CPOX: variants seen among roughly 807,000 people sequenced by gnomAD.
CPOX encodes coproporphyrinogen oxidase.
CPOX carries 24 observed loss-of-function variants against 48.9 expected under a neutral mutation model. That is an observed-to-expected ratio of 0.49 (90% confidence interval 0.36 to 0.69). The LOEUF (loss-of-function observed/expected upper bound fraction) is 0.69. Among genes scored for constraint, CPOX ranks in the 30% least tolerant of loss-of-function variants. The probability of loss-of-function intolerance (pLI) is 0.00; values close to 1 mark genes in which losing one functional copy is unlikely to be tolerated. For synonymous variants in CPOX, 249 were observed against 234.6 expected, an observed-to-expected ratio of 1.06 and a Z score of -0.56; for missense variants, 549 against 597.3, an observed-to-expected ratio of 0.92 and a Z score of 0.84.
Position 98,584,885 on chromosome 3 carries a change from T to A in CPOX, c.1172+556A>T, listed in dbSNP as rs935003363. On this transcript the variant is annotated intron_variant, in intron 5 of 6. Transcript: ENST00000647941. ...ACAGACTATAAGTTTTGAGGTCATT[T>A]TGACCCAGTTCCACATCTGAGATCT... 2.0e-5 allele frequency among the ~76,000 whole-genome samples: 3 copies of A among 152,236 alleles called. 1 individual carries two copies. In the East Asian group the frequency reaches 5.8e-4, roughly 29 times the overall value.
intron 4 of CPOX, among the ~76,000 whole-genome samples, chr3:98,587,067 A>G (rs192968093): frequency 1.4e-4 from 21 of 152,338 alleles, no homozygotes; most frequent in African/African-American, 4.3e-4. Context: ...GGGTCCTTAA[A>G]TAGAAAAACA....
downstream of CPOX, among the ~76,000 whole-genome samples, chr3:98,574,645 G>A (rs113471840): frequency 0.019 from 2,920 of 152,258 alleles, 76 homozygotes; most frequent in African/African-American, 0.061. Flanking sequence ...GCAGTGGCAC[G>A]ATCTTGGCTC....
At position 98,580,323 on chromosome 3, in the gene CPOX, T is replaced by A; in HGVS notation, c.*360A>T. ...CCACGACAGATTTTTGTGGCACAAATGAAAACTTTAAAAAATACATGAAAC... is the reference window on the plus strand; with the variant it reads ...CCACGACAGATTTTTGTGGCACAAAAGAAAACTTTAAAAAATACATGAAAC... On this transcript the variant is annotated 3_prime_UTR_variant, in exon 7 of 7. Coordinates refer to ENST00000647941, the MANE Select transcript of CPOX (RefSeq NM_000097.7). 1 of 1,010,300 alleles carries A rather than the reference T, an allele frequency of 9.9e-7. No homozygotes were observed. Among genetic ancestry groups the A allele is most frequent in the Non-Finnish European group, 1.2e-6 (1 of 844,732 alleles). 62.6% of individuals were successfully genotyped at this position (1,010,300 alleles called of 1,614,324 possible).
At chr3:98,591,398 A>T (rs1707476432) in intron 1 of CPOX, among the ~76,000 whole-genome samples, 1 of 152,240 alleles carries the variant, frequency 6.6e-6, no homozygotes, top group Non-Finnish European at 1.5e-5. Context: ...TCCTGCCATC[A>T]TCTAAAATAA....
chr3:98,591,857 G>A (rs1707484029), intron 1 of CPOX, among the ~76,000 whole-genome samples: 1 of 151,798 alleles, frequency 6.6e-6, no homozygotes. Context: ...GGACCAGAGG[G>A]GCAAAACATC....
chr3:98,592,547 C>T (rs187451863), intron 1 of CPOX, among the ~76,000 whole-genome samples: 124 of 152,114 alleles, frequency 8.2e-4, no homozygotes, highest in African/African-American at 2.2e-3. Flanking sequence ...TGAGTTCTTT[C>T]CATCTCCTAA....
intron 5 of CPOX, among the ~76,000 whole-genome samples, chr3:98,583,605 G>T (rs75580450): frequency 1.3e-5 from 2 of 152,082 alleles, no homozygotes; most frequent in African/African-American, 4.8e-5. Context: ...CTATGAAAAG[G>T]ATAACTGTAA....
rs568556451 is a variant in CPOX, at chr3:98,585,935, C to G, written c.954-276G>C. On this transcript the variant is annotated intron_variant, in intron 4 of 6. Coordinates refer to ENST00000647941, the MANE Select transcript of CPOX (RefSeq NM_000097.7). ...TCCCCCACGCTGGAGTGCAGTGGTGCGATCTTGAATCACTGCAAGCTCCGC... is the reference window on the plus strand; with the variant it reads ...TCCCCCACGCTGGAGTGCAGTGGTGGGATCTTGAATCACTGCAAGCTCCGC... 3.1e-3 allele frequency: 1,171 copies of G among 376,310 alleles called. 16 individuals are homozygous for G. The highest frequency in any genetic ancestry group is 0.023 in the African/African-American group (1,075 of 47,320). The allele number at this position is 376,310 out of a possible 1,614,324, so 23.3% of individuals were successfully genotyped here.
At chr3:98,585,411 C>T in intron 5 of CPOX, 30 bp downstream of exon 5, 1 of 1,580,344 alleles carries the variant, frequency 6.3e-7, no homozygotes, top group Non-Finnish European at 8.7e-7. Flanking sequence ...CCCACTTAGC[C>T]ATGAAAGAAT....
chr3:98,571,126 T>G, the CPOX span, among the ~76,000 whole-genome samples: 1 of 152,338 alleles, frequency 6.6e-6, no homozygotes, highest in South Asian at 2.1e-4. Context: ...AAACTTGGGT[T>G]GCTTCTAGAT....
At chr3:98,590,810 T>C (rs1707464650) in intron 2 of CPOX, 68 bp from the exon 3 acceptor site, 3 of 1,248,310 alleles carry the variant, frequency 2.4e-6, no homozygotes, top group South Asian at 2.5e-5. Context: ...AATTTCACTC[T>C]AATATGATTT....
Position 98,585,663 on chromosome 3 carries a change from GA to G in CPOX, c.954-5del, listed in dbSNP as rs559774273. On this transcript the variant is annotated splice_region_variant and splice_polypyrimidine_tract_variant and intron_variant, in intron 4 of 6. Coordinates refer to ENST00000647941, the MANE Select transcript of CPOX (RefSeq NM_000097.7). ...TATAAAGAAGTAATCATCACACCTGGAAAACACAGCGGCGCCAAACCAGGGA... is the reference window on the plus strand; with the variant it reads ...TATAAAGAAGTAATCATCACACCTGGAAACACAGCGGCGCCAAACCAGGGA... 6.2e-7 allele frequency: 1 copy of G among 1,610,492 alleles called. No homozygotes were observed. Among genetic ancestry groups the G allele is most frequent in the South Asian group, 1.1e-5 (1 of 90,984 alleles).
chr3:98,575,375 A>G (rs966022959), downstream of CPOX, among the ~76,000 whole-genome samples: 6 of 152,252 alleles, frequency 3.9e-5, no homozygotes, highest in Non-Finnish European at 8.8e-5. Flanking sequence ...ACAGTAAAAG[A>G]ATTATTGAAA....
downstream of CPOX, among the ~76,000 whole-genome samples, chr3:98,575,261 T>G (rs1707142764): frequency 6.6e-6 from 1 of 152,240 alleles, no homozygotes; most frequent in African/African-American, 2.4e-5. Context: ...CAAAGTCAAT[T>G]TACTTTCCTA....
intron 5 of CPOX, among the ~76,000 whole-genome samples, chr3:98,583,456 C>T (rs1050954514): frequency 5.9e-5 from 9 of 152,164 alleles, no homozygotes; most frequent in Non-Finnish European, 1.2e-4. Flanking sequence ...CCTTTCCATA[C>T]ATCTGTCCTC....
chr3:98,588,969 A>G (rs940889396), intron 3 of CPOX, 115 bp from the exon 4 acceptor site: 2 of 1,241,168 alleles, frequency 1.6e-6, no homozygotes, highest in Admixed American at 2.0e-5. Context: ...GGATGACAAT[A>G]AAAAAAATTT....
chr3:98,591,992 G>GATAT (rs10535616), intron 1 of CPOX, among the ~76,000 whole-genome samples: 157 of 148,068 alleles, frequency 1.1e-3, no homozygotes, highest in African/African-American at 3.8e-3. Flanking sequence ...TATGTATATG[G>GATAT]ATATATATAT....
chr3:98,589,211 C>T (rs375036481), intron 3 of CPOX, among the ~76,000 whole-genome samples: 2 of 151,976 alleles, frequency 1.3e-5, no homozygotes, highest in African/African-American at 2.4e-5. Flanking sequence ...CCCAGCTACT[C>T]GGGAGGCTGA....
intron 3 of CPOX, 138 bp from the exon 4 acceptor site, chr3:98,588,992 G>C (rs544238353): frequency 9.8e-7 from 1 of 1,015,358 alleles, no homozygotes; most frequent in Non-Finnish European, 1.5e-6. Context: ...ACTGATTTTA[G>C]CTCTGAAGAC....
Sources: allele counts gnomAD v4.1 joint callset (sites outside exome capture counted in the v4.1 genomes callset), GRCh38; gene constraint gnomAD v4.1.1; transcripts MANE v1.5; gene names NCBI Gene and HGNC (gene_info 2026-07-23, HGNC 2026-07-21).